Variants in AKAP13 observed in about 807,000 individuals in gnomAD.
AKAP13 encodes A-kinase anchor protein 13.
Under a neutral mutation model 264.5 loss-of-function variants are expected in AKAP13, and 80 were observed. The observed-to-expected ratio is 0.30, with a 90% CI of 0.25 to 0.36. AKAP13 has a LOEUF of 0.36. Among genes scored for constraint, AKAP13 ranks in the 10% least tolerant of loss-of-function variants. The probability of loss-of-function intolerance (pLI) is 1.00; values close to 1 mark genes in which losing one functional copy is unlikely to be tolerated. For missense variants in AKAP13, 3,712 were observed against 3,435.2 expected (o/e 1.08, Z -2.01); for synonymous variants, 1,380 against 1,250.2 (o/e 1.10, Z -2.19).
At position 85,744,635 on chromosome 15, in the gene AKAP13, C is replaced by A. The variant is rs150237862; in HGVS notation, c.8400C>A (p.Pro2800=). 6.2e-7 allele frequency: 1 copy of A among 1,613,730 alleles called. No homozygotes were observed. The highest frequency in any genetic ancestry group is 8.5e-7 in the Non-Finnish European group (1 of 1,179,896). ...TGGTTTTCACATTTCCAGATGGTCC[C>A]GCGTCAGAAGTATCAGCAGAGGGTG... The part of the protein sequence containing the change: ...KTSRSQPGDG[P]ASEVSAEGEE... The change falls in exon 37 of 37, where the codon CCC becomes CCA. Residue 2800 remains proline, a synonymous_variant. Coordinates refer to ENST00000394518, the MANE Select transcript of AKAP13 (RefSeq NM_007200.5).
intron 5 of AKAP13, among the ~76,000 whole-genome samples, chr15:85,551,317 T>C (rs189332427): frequency 2.0e-5 from 3 of 152,256 alleles, no homozygotes; most frequent in Admixed American, 6.5e-5. Context: ...ATTGTACTTA[T>C]AGAGCAATTT....
rs568742348 is a variant in AKAP13, at chr15:85,481,350, T to C, written c.-11-4360T>C. On this transcript the variant is annotated intron_variant, in intron 1 of 36. Coordinates refer to ENST00000394518, the MANE Select transcript of AKAP13 (RefSeq NM_007200.5). The stretch of plus-strand genomic sequence containing the variant: ...AGACTGATGATTGTTTATATTAAAA[T>C]GTAGGAAGAGAATTGTAGCAGCAAC... Among the ~76,000 whole-genome samples the C allele has an allele frequency of 2.1e-4, 32 of 152,320 alleles. No homozygotes were observed. The East Asian group carries it at 6.2e-3, about 29-fold the overall frequency.
chr15:85,607,651 A>G (rs984946397), intron 8 of AKAP13, among the ~76,000 whole-genome samples: 57 of 152,316 alleles, frequency 3.7e-4, no homozygotes, highest in African/African-American at 1.2e-3. Context: ...TTCCTGTATG[A>G]GACATCTCTG....
intron 10 of AKAP13, among the ~76,000 whole-genome samples, chr15:85,647,761 C>T (rs1037345302): frequency 2.0e-5 from 3 of 151,998 alleles, no homozygotes; most frequent in African/African-American, 4.8e-5. Flanking sequence ...CTGGCTAACA[C>T]GGTGAAACCC....
chr15:85,398,148 A>T (rs577794436), intron 1 of AKAP13, among the ~76,000 whole-genome samples: 2 of 152,302 alleles, frequency 1.3e-5, no homozygotes, highest in East Asian at 3.9e-4. Flanking sequence ...ACGAGTAATG[A>T]TGTGAAAGGG....
intron 8 of AKAP13, among the ~76,000 whole-genome samples, chr15:85,615,991 A>T (rs1377248536): frequency 6.6e-6 from 1 of 152,224 alleles, no homozygotes; most frequent in African/African-American, 2.4e-5. Flanking sequence ...ATTTTCACTT[A>T]GTACCTTGTG....
intron 1 of AKAP13, among the ~76,000 whole-genome samples, chr15:85,449,959 C>T (rs1456013179): frequency 1.3e-5 from 2 of 151,768 alleles, no homozygotes; most frequent in Non-Finnish European, 2.9e-5. Flanking sequence ...AGTCCTTCCT[C>T]CTCAATTTTT....
At chr15:85,415,165 T>C (rs1596094054) in intron 1 of AKAP13, 3 of 940,100 alleles carry the variant, frequency 3.2e-6, no homozygotes, top group East Asian at 2.6e-5. Context: ...AAATGAGATG[T>C]GACAGCACGC....
intron 1 of AKAP13, among the ~76,000 whole-genome samples, chr15:85,442,470 A>ATTATATTATATTTATAT (rs1555429965): frequency 5.9e-4 from 74 of 125,960 alleles, no homozygotes; most frequent in Non-Finnish European, 1.1e-3. Context: ...TATACATAAT[A>ATTATATTATATTTATAT]TATATTATAT....
At chr15:85,441,563 C>T (rs2073654676) in intron 1 of AKAP13, among the ~76,000 whole-genome samples, 1 of 151,954 alleles carries the variant, frequency 6.6e-6, no homozygotes, top group African/African-American at 2.4e-5. Flanking sequence ...TGTCATATAT[C>T]TAAGGGATCT....
At chr15:85,466,398 T>G (rs2074742815) in intron 1 of AKAP13, among the ~76,000 whole-genome samples, 2 of 152,170 alleles carry the variant, frequency 1.3e-5, no homozygotes, top group Non-Finnish European at 2.9e-5. Context: ...TTGCCATTGC[T>G]TTTGGTGTTT....
At chr15:85,426,972 TG>T (rs141484586) in intron 1 of AKAP13, among the ~76,000 whole-genome samples, 2 of 149,236 alleles carry the variant, frequency 1.3e-5, no homozygotes, top group African/African-American at 4.9e-5. Flanking sequence ...TTTTTTTTTT[TG>T]GGGACGGAGT....
At chr15:85,421,515 AG>A (rs1205227816) in intron 1 of AKAP13, among the ~76,000 whole-genome samples, 2 of 152,412 alleles carry the variant, frequency 1.3e-5, no homozygotes, top group East Asian at 1.9e-4. Context: ...TCAGAATGAA[AG>A]CCCAATATTT....
At chr15:85,678,134 A>G (rs988175031) in intron 14 of AKAP13, among the ~76,000 whole-genome samples, 27 of 152,222 alleles carry the variant, frequency 1.8e-4, no homozygotes, top group African/African-American at 6.5e-4. Flanking sequence ...TGAAAATTAC[A>G]GTCTTCAATT....
intron 23 of AKAP13, among the ~76,000 whole-genome samples, chr15:85,720,933 G>A (rs548979206): frequency 2.0e-5 from 3 of 152,164 alleles, no homozygotes; most frequent in Non-Finnish European, 4.4e-5. Flanking sequence ...AATGCAGTGC[G>A]GTAAATGAAC....
intron 30 of AKAP13, among the ~76,000 whole-genome samples, chr15:85,731,191 A>G (rs370777217): frequency 2.0e-4 from 31 of 151,744 alleles, no homozygotes; most frequent in African/African-American, 7.5e-4. Context: ...TTTTTCACAG[A>G]TACAGGGTTT....
chr15:85,666,765 A>G (rs1051392363), intron 13 of AKAP13, among the ~76,000 whole-genome samples: 17 of 152,140 alleles, frequency 1.1e-4, no homozygotes, highest in Non-Finnish European at 2.2e-4. Context: ...TGCTGCTACC[A>G]GTCTCTTGAA....
Position 85,581,339 on chromosome 15 carries a change from G to A in AKAP13, c.3271G>A (p.Val1091Ile), listed in dbSNP as rs1234363014. Residue 1091 changes from valine to isoleucine, a missense_variant, in exon 7 of 37, where the codon GTT becomes ATT. Coordinates refer to ENST00000394518, the MANE Select transcript of AKAP13 (RefSeq NM_007200.5). ...CEVSGDVTVD[V>I]TGVNALQGMA... ...GGTGAGTGGAGATGTGACGGTGGAT[G>A]TTACAGGGGTTAATGCTCTACAAGG... 6.2e-7 allele frequency: 1 copy of A among 1,614,234 alleles called. No individual in the cohort carries two copies. Among genetic ancestry groups the A allele is most frequent in the Non-Finnish European group, 8.5e-7 (1 of 1,180,024 alleles).
intron 8 of AKAP13, among the ~76,000 whole-genome samples, chr15:85,609,251 C>T (rs1230526339): frequency 6.6e-6 from 1 of 152,156 alleles, no homozygotes; most frequent in Non-Finnish European, 1.5e-5. Flanking sequence ...CATTGACCAA[C>T]CTCTCCCCAT....
Sources: allele counts gnomAD v4.1 joint callset (sites outside exome capture counted in the v4.1 genomes callset), GRCh38; gene constraint gnomAD v4.1.1; transcripts MANE v1.5; gene names NCBI Gene and HGNC (gene_info 2026-07-23, HGNC 2026-07-21).